The following GLYATL1 variants were observed in gnomAD, a reference collection of about 807,000 sequenced individuals.
GLYATL1 encodes glycine N-acyltransferase-like protein 1.
Under a neutral mutation model 20.0 loss-of-function variants are expected in GLYATL1, and 15 were observed. The observed-to-expected ratio is 0.75, with a 90% confidence interval of 0.50 to 1.15. The LOEUF is 1.15. GLYATL1 is among the 50% of genes most tolerant of loss of function. GLYATL1 has a pLI of 0.00. For missense variants in GLYATL1, 380 were observed against 368.5 expected (o/e 1.03, Z -0.26); for synonymous variants, 151 against 131.5 (o/e 1.15, Z -1.01).
chr11:58,910,402 T>A (rs1358499766), downstream of GLYATL1, among the ~76,000 whole-genome samples: 1 of 152,180 alleles, frequency 6.6e-6, no homozygotes, highest in African/African-American at 2.4e-5. Flanking sequence ...CATAATCACA[T>A]GTGATTATTT....
intron 1 of GLYATL1, among the ~76,000 whole-genome samples, chr11:58,922,446 T>C (rs946690781): frequency 6.6e-6 from 1 of 150,968 alleles, no homozygotes; most frequent in African/African-American, 2.5e-5. Context: ...GTGGGTCCTC[T>C]TCTTTCCCTG....
chr11:58,955,704 C>T lies in GLYATL1; in HGVS notation c.586C>T (p.His196Tyr). Residue 196 changes from histidine to tyrosine, a missense_variant, in exon 7 of 7, where the codon CAT becomes TAT. His to Tyr is a moderately conservative substitution (Grantham distance 83). Coordinates refer to ENST00000532726, the MANE Select transcript of GLYATL1 (RefSeq NM_001389712.2). The stretch of plus-strand genomic sequence containing the variant: ...GCGAGGGAAGAATGAGAGGAGCCTG[C>T]ATTACATCAAGCGCTGCATAGAAGA... ...WKRGKNERSL[H>Y]YIKRCIEDLP... 1 of 1,614,156 alleles carries T rather than the reference C, an allele frequency of 6.2e-7. No homozygotes were observed. Among genetic ancestry groups the T allele is most frequent in the Non-Finnish European group, 8.5e-7 (1 of 1,180,040 alleles).
At position 58,908,269 on chromosome 11, in the gene GLYATL1, G is replaced by A. The variant is rs573933308; in HGVS notation, n.1267G>A. 4 of 152,282 alleles carry A rather than the reference G, an allele frequency of 2.6e-5. No individual in the cohort carries two copies. The East Asian group carries it at 7.7e-4, about 29-fold the overall frequency. The allele number at this position is 152,282 out of a possible 1,614,324, so 9.4% of individuals were successfully genotyped here. A position where few individuals can be genotyped will look rare whatever the true frequency, so the allele number is the denominator to read the frequency against. ...CATACAGTAAGCTAGATAGCCATAG[G>A]GGTTACCGCATATGATTTTCTTCTC... On this transcript the variant is annotated non_coding_transcript_exon_variant, in exon 2 of 2. Coordinates refer to the GLYATL1 transcript ENST00000524629.
chr11:58,925,811 C>T (rs941022169), upstream of GLYATL1, among the ~76,000 whole-genome samples: 4 of 152,058 alleles, frequency 2.6e-5, no homozygotes, highest in Admixed American at 1.3e-4. Context: ...GGGTCTTTAC[C>T]TATATTCCCC....
upstream of GLYATL1, chr11:58,934,974 G>A (rs1430341862): frequency 6.6e-6 from 1 of 152,486 alleles, no homozygotes; most frequent in Non-Finnish European, 1.5e-5. Context: ...TGTATCCACA[G>A]GGGCCAGATT....
At chr11:58,922,586 G>A (rs1855335804) in intron 1 of GLYATL1, among the ~76,000 whole-genome samples, 1 of 152,098 alleles carries the variant, frequency 6.6e-6, no homozygotes, top group South Asian at 2.1e-4. Flanking sequence ...GTATCCATTT[G>A]AGCTTGACTC....
intron 1 of GLYATL1, among the ~76,000 whole-genome samples, chr11:58,920,506 A>G (rs1855282649): frequency 6.6e-6 from 1 of 152,158 alleles, no homozygotes; most frequent in Non-Finnish European, 1.5e-5. Context: ...TCCCTCTAGT[A>G]TGAAACTGCT....
upstream of GLYATL1, among the ~76,000 whole-genome samples, chr11:58,923,136 T>C (rs1235355465): frequency 1.3e-5 from 2 of 152,236 alleles, no homozygotes; most frequent in African/African-American, 4.8e-5. Context: ...ACCGAATCCC[T>C]TCTGAACTTG....
chr11:58,944,161 C>T (rs958047664), intron 2 of GLYATL1, among the ~76,000 whole-genome samples: 5 of 152,288 alleles, frequency 3.3e-5, no homozygotes, highest in Non-Finnish European at 5.9e-5. Context: ...TAGAGTGGAA[C>T]ATTCCAAATG....
upstream of GLYATL1, among the ~76,000 whole-genome samples, chr11:58,937,196 C>G (rs1855874903): frequency 6.6e-6 from 1 of 152,198 alleles, no homozygotes; most frequent in East Asian, 1.9e-4. Context: ...AAGCCACCAG[C>G]AGTGCAAGGT....
At chr11:58,952,441 T>G (rs899622453) in intron 4 of GLYATL1, among the ~76,000 whole-genome samples, 1 of 152,226 alleles carries the variant, frequency 6.6e-6, no homozygotes, top group Non-Finnish European at 1.5e-5. Context: ...CTTACCAGAT[T>G]TGGCATTAGG....
At chr11:58,950,208 G>T (rs1460728619) in intron 4 of GLYATL1, among the ~76,000 whole-genome samples, 1 of 150,912 alleles carries the variant, frequency 6.6e-6, no homozygotes, top group Admixed American at 6.6e-5. Context: ...GGAGAATGGC[G>T]TGAAACCGGG....
rs372509797 is a variant in GLYATL1 at position 58,954,902 on chromosome 11, G to A, written c.313+6G>A. On this transcript the variant is annotated splice_donor_region_variant and intron_variant, in intron 5 of 6. Transcript: ENST00000532726. ...ACAGAGACTCCAAATCCAAGGTAAC[G>A]AGTCTGAAGAAATGGGCAAGCAGCT... The A allele has an allele frequency of 5.7e-4, 918 of 1,603,260 alleles. 2 individuals are homozygous for A. Among genetic ancestry groups the A allele is most frequent in the Non-Finnish European group, 7.0e-4 (825 of 1,176,986 alleles).
At chr11:58,945,862 G>A (rs148933014) in intron 2 of GLYATL1, among the ~76,000 whole-genome samples, 17 of 152,232 alleles carry the variant, frequency 1.1e-4, no homozygotes, top group Middle Eastern at 3.4e-3. Flanking sequence ...TCTTGCAAAA[G>A]GATGCCTTTG....
chr11:58,947,724 A>G (rs1402042477), intron 3 of GLYATL1, 134 bp from the exon 4 acceptor site: 2 of 672,714 alleles, frequency 3.0e-6, no homozygotes, highest in African/African-American at 1.8e-5. Context: ...CTCCAGGACC[A>G]TACTGCTCAT....
chr11:58,905,491 C>T (rs1259757737), exon 1 of GLYATL1: 1 of 456,284 alleles, frequency 2.2e-6, no homozygotes, highest in Non-Finnish European at 4.4e-6. Context: ...CCTTGCAGCT[C>T]TCCTCAGCGC....
chr11:58,947,772 A>G lies in GLYATL1; in HGVS notation c.79-86A>G, dbSNP rs1378742163. ...GACTTGGTCTCAGTACCTTCTCTTA[A>G]TCTCCATTTTTCTCTTCCTCTTCAC... On this transcript the variant is annotated intron_variant, in intron 3 of 6. Coordinates refer to ENST00000532726, the MANE Select transcript of GLYATL1 (RefSeq NM_001389712.2). 6.7e-6 allele frequency: 6 copies of G among 900,228 alleles called. No homozygotes were observed. The East Asian group carries it at 9.7e-5, about 15-fold the overall frequency. 55.8% of individuals were successfully genotyped at this position (900,228 alleles called of 1,614,324 possible). A position where few individuals can be genotyped will look rare whatever the true frequency, so the allele number is the denominator to read the frequency against.
At chr11:58,936,660 A>G (rs1463623059), upstream of GLYATL1, among the ~76,000 whole-genome samples, 1 of 152,248 alleles carries the variant, frequency 6.6e-6, no homozygotes, top group Non-Finnish European at 1.5e-5. Context: ...GAAAGAAAAT[A>G]TTAAGGAGCA....
At chr11:58,937,554 A>C (rs1855891804), upstream of GLYATL1, among the ~76,000 whole-genome samples, 1 of 152,204 alleles carries the variant, frequency 6.6e-6, no homozygotes, top group South Asian at 2.1e-4. Flanking sequence ...CACTGCCTCA[A>C]AGTAACTTTG....
Sources: gnomAD v4.1 joint callset for allele counts (sites outside exome capture counted in the v4.1 genomes callset) on GRCh38, gnomAD v4.1.1 for gene constraint, MANE v1.5 for transcripts, NCBI Gene and HGNC (gene_info 2026-07-23, HGNC 2026-07-21) for gene names.